Variants in DHTKD1 observed in about 807,000 individuals in gnomAD.
DHTKD1 encodes the protein 2-oxoadipate dehydrogenase complex component E1.
In DHTKD1, 78 loss-of-function variants were observed where a neutral mutation model predicts 101.8. That is an observed-to-expected ratio of 0.77 (90% CI 0.64 to 0.93). The LOEUF (loss-of-function observed/expected upper bound fraction) is 0.93. Ranked by LOEUF, DHTKD1 falls within the 40% of genes least tolerant of loss-of-function variation. The probability of loss-of-function intolerance (pLI) is 0.00; values close to 1 mark genes in which losing one functional copy is unlikely to be tolerated. For missense variants in DHTKD1, 1,223 were observed against 1,161.7 expected (o/e 1.05, Z -0.77); for synonymous variants, 462 against 450.3 (o/e 1.03, Z -0.33).
chr10:12,097,973 C>T lies in DHTKD1; in HGVS notation c.1648C>T (p.His550Tyr), dbSNP rs1245651096. The change falls in exon 8 of 17, where the codon CAC becomes TAC. Residue 550 changes from histidine to tyrosine, a missense_variant. Transcript: ENST00000263035. ...EVPRELQMHSHLLKTHVQSRM... is the reference protein window; with the variant it reads ...EVPRELQMHSYLLKTHVQSRM... ...GCCAAGAGAGCTGCAGATGCACAGT[C>T]ACCTGCTGAAGACACATGTTCAGGT... 5 of 1,611,696 alleles carry T rather than the reference C, an allele frequency of 3.1e-6. No individual in the cohort carries two copies. The highest frequency in any genetic ancestry group is 2.2e-5 in the South Asian group (2 of 90,864).
rs1305334169 is a variant in DHTKD1 at position 12,103,925 on chromosome 10, T to C, written c.1897-2321T>C. Among the ~76,000 whole-genome samples the C allele has an allele frequency of 6.6e-6, 1 of 152,170 alleles. No individual in the cohort carries two copies. The highest frequency in any genetic ancestry group is 1.5e-5 in the Non-Finnish European group (1 of 68,032). On this transcript the variant is annotated intron_variant, in intron 10 of 16. Transcript: ENST00000263035. The surrounding 1 kb of genome is among the most constrained non-coding windows in gnomAD (Gnocchi z 4.8). ...TTTGTAGTCTATTCACAGAGTTGTGTAATCATCACCACTATCTAATTTTAG... is the reference window on the plus strand; with the variant it reads ...TTTGTAGTCTATTCACAGAGTTGTGCAATCATCACCACTATCTAATTTTAG...
At chr10:12,098,146 G>A (rs562602581) in intron 8 of DHTKD1, 150 bp downstream of exon 8, 77 of 702,794 alleles carry the variant, frequency 1.1e-4, no homozygotes, top group Admixed American at 2.6e-4. Context: ...GTGTTGTTTT[G>A]GTACTGATAG....
At chr10:12,106,152 C>T (rs575031270) in intron 10 of DHTKD1, 94 bp from the exon 11 acceptor site, 3 of 1,310,758 alleles carry the variant, frequency 2.3e-6, no homozygotes, top group South Asian at 1.2e-5. Flanking sequence ...GCAAGGCTCC[C>T]TCTCCGCACC....
At chr10:12,095,482 G>C (rs572883199) in intron 7 of DHTKD1, among the ~76,000 whole-genome samples, 1 of 150,838 alleles carries the variant, frequency 6.6e-6, no homozygotes, top group African/African-American at 2.4e-5. Flanking sequence ...GTTTGAGACC[G>C]GCCTGGCCAA....
chr10:12,095,000 C>G (rs1464227885), intron 7 of DHTKD1, among the ~76,000 whole-genome samples: 1 of 152,190 alleles, frequency 6.6e-6, no homozygotes, highest in African/African-American at 2.4e-5. Flanking sequence ...CAATAGAAAA[C>G]TCAGCAGATG....
chr10:12,069,189 T>A lies in DHTKD1; in HGVS notation c.154+2T>A, dbSNP rs1245978004. 2 of 1,543,108 alleles carry A rather than the reference T, an allele frequency of 1.3e-6. No individual in the cohort carries two copies. The highest frequency in any genetic ancestry group is 2.8e-5 in the African/African-American group (2 of 71,794). ...AGGGCGCCCTGGAGCGCCCCCCAGG[T>A]CGGGGATGGGGCCCGGGCGGTGGGA... is the stretch of plus-strand genomic sequence containing the variant. On this transcript the variant is annotated splice_donor_variant, in intron 1 of 16. Coordinates refer to ENST00000263035, the MANE Select transcript of DHTKD1 (RefSeq NM_018706.7). LOFTEE classifies it high-confidence loss of function.
At chr10:12,091,807 A>T in intron 6 of DHTKD1, 123 bp downstream of exon 6, 1 of 708,936 alleles carries the variant, frequency 1.4e-6, no homozygotes, top group Non-Finnish European at 2.2e-6. Context: ...TTAATTAATT[A>T]ATTAATTAAT....
rs558402400 is a variant in DHTKD1, at chr10:12,121,231, A to AAAC, written c.*345_*346insCAA. 4.9e-3 allele frequency: 1,102 copies of AAAC among 226,162 alleles called. 21 individuals are homozygous for AAAC. The highest frequency in any genetic ancestry group is 0.023 in the African/African-American group (1,009 of 43,898). 14.0% of individuals were successfully genotyped at this position (226,162 alleles called of 1,614,324 possible). A position where few individuals can be genotyped will look rare whatever the true frequency, so the allele number is the denominator to read the frequency against. ...CAAGACTGCGTTTCAAAAAAAAAAA[A>AAAC]AAAAAAACCCATTAAAAGAGGCCTC... is the stretch of plus-strand genomic sequence containing the variant. On this transcript the variant is annotated 3_prime_UTR_variant, in exon 17 of 17. Transcript: ENST00000263035.
intron 6 of DHTKD1, 115 bp downstream of exon 6, chr10:12,091,799 A>G: frequency 1.4e-6 from 1 of 700,696 alleles, no homozygotes; most frequent in Non-Finnish European, 2.2e-6. Context: ...TCATTTAATT[A>G]ATTAATTAAT....
chr10:12,117,560 C>G, intron 13 of DHTKD1, 113 bp from the exon 14 acceptor site: 7 of 706,156 alleles, frequency 9.9e-6, no homozygotes, highest in Non-Finnish European at 1.8e-5. Context: ...ACATGGGTCT[C>G]CTTGCAGTGC....
intron 5 of DHTKD1, 101 bp from the exon 6 acceptor site, chr10:12,091,412 A>AG (rs1832988024): frequency 5.7e-6 from 2 of 348,914 alleles, no homozygotes; most frequent in South Asian, 7.9e-5. Context: ...ACTCTGTCTC[A>AG]AAAAAAAAAA....
chr10:12,114,124 C>T (rs1175736649), intron 13 of DHTKD1, among the ~76,000 whole-genome samples: 1 of 150,764 alleles, frequency 6.6e-6, no homozygotes, highest in African/African-American at 2.4e-5. Flanking sequence ...TATCATTTAA[C>T]ACATACGTAG....
intron 8 of DHTKD1, among the ~76,000 whole-genome samples, chr10:12,098,337 A>C (rs1222332753): frequency 6.6e-6 from 1 of 152,186 alleles, no homozygotes; most frequent in Non-Finnish European, 1.5e-5. Flanking sequence ...GGTGGCTTAA[A>C]TAAAAGAAAC....
At position 12,084,566 on chromosome 10, in the gene DHTKD1, G is replaced by C. The variant is rs200967740; in HGVS notation, c.337G>C (p.Ala113Pro). The change falls in exon 3 of 17, where the codon GCC becomes CCC. Residue 113 changes from alanine to proline, a missense_variant. Coordinates refer to ENST00000263035, the MANE Select transcript of DHTKD1 (RefSeq NM_018706.7). Reference sequence around the variant, plus strand: ...ATTATTGAACATGGGGAAGGAAGAGGCCTCACTTGAGGAAGTGTTAGTCTA... The same window carrying C: ...ATTATTGAACATGGGGAAGGAAGAGCCCTCACTTGAGGAAGTGTTAGTCTA... ...AGLLNMGKEE[A>P]SLEEVLVYLN... The C allele has an allele frequency of 6.2e-6, 10 of 1,611,476 alleles. No homozygotes were observed. Among genetic ancestry groups the C allele is most frequent in the East Asian group, 2.2e-5 (1 of 44,846 alleles).
chr10:12,084,601 A>G lies in DHTKD1; in HGVS notation c.372A>G (p.Gln124=). 1 of 1,613,958 alleles carries G rather than the reference A, an allele frequency of 6.2e-7. No homozygotes were observed. Among genetic ancestry groups the G allele is most frequent in the Non-Finnish European group, 8.5e-7 (1 of 1,179,852 alleles). ...AGGAAGTGTTAGTCTATCTCAATCA[A>G]ATCTACTGTGGGCAGATTTCTATTG... ...SLEEVLVYLN[Q]IYCGQISIET... Residue 124 remains glutamine (Q), a synonymous_variant, in exon 3 of 17, where the codon CAA becomes CAG. Transcript: ENST00000263035.
At chr10:12,082,922 G>A (rs1340464569) in intron 2 of DHTKD1, among the ~76,000 whole-genome samples, 4 of 151,906 alleles carry the variant, frequency 2.6e-5, no homozygotes, top group Non-Finnish European at 5.9e-5. Context: ...AGATCACGAG[G>A]TCAGGAGATT....
chr10:12,085,845 C>CCACTGCAGTGAGCT (rs1290989625), intron 3 of DHTKD1, among the ~76,000 whole-genome samples: 2 of 152,158 alleles, frequency 1.3e-5, no homozygotes, highest in Non-Finnish European at 2.9e-5. Flanking sequence ...CGAGATCACA[C>CCACTGCAGTGAGCT]CACTGCAGTG....
At chr10:12,075,752 T>A (rs72777802) in intron 1 of DHTKD1, among the ~76,000 whole-genome samples, 16,006 of 152,114 alleles carry the variant, frequency 0.11, 1,071 homozygotes, top group Non-Finnish European at 0.16. Context: ...TTTCTATCCT[T>A]CCAGGGAAAA....
intron 6 of DHTKD1, 141 bp downstream of exon 6, chr10:12,091,825 G>T (rs1029668113): frequency 4.5e-6 from 3 of 667,350 alleles, no homozygotes; most frequent in Non-Finnish European, 6.9e-6. Flanking sequence ...AATTTTTTGA[G>T]ATGGAGTCTT....
Sources: gnomAD v4.1 joint callset for allele counts (sites outside exome capture counted in the v4.1 genomes callset) on GRCh38, gnomAD v4.1.1 for gene constraint, Gnocchi (gnomAD v3.1) non-coding constraint, MANE v1.5 for transcripts, NCBI Gene and HGNC (gene_info 2026-07-23, HGNC 2026-07-21) for gene names.